Variants in MGMT observed in about 807,000 individuals in gnomAD.
MGMT encodes the protein O-6-methylguanine-DNA methyltransferase.
In MGMT, 14 loss-of-function variants were observed where a neutral mutation model predicts 15.9. The ratio of observed to expected loss-of-function variants is 0.88; its 90% CI spans 0.58 to 1.37. The LOEUF is 1.37. Ranked by LOEUF, MGMT falls within the 40% of genes most tolerant of loss-of-function variation. The pLI is 0.00. For missense variants in MGMT, 282 were observed against 268.1 expected, an observed-to-expected ratio of 1.05 and a Z score of -0.36; for synonymous variants, 130 against 118.2, an observed-to-expected ratio of 1.10 and a Z score of -0.65.
chr10:129,469,276 A>G (rs1845204271), intron 1 of MGMT, among the ~76,000 whole-genome samples: 2 of 152,234 alleles, frequency 1.3e-5, no homozygotes, highest in South Asian at 4.1e-4. Context: ...ATAATAAAAT[A>G]AAGTTACTAA....
chr10:129,647,945 T>C (rs986252759), intron 2 of MGMT, among the ~76,000 whole-genome samples: 1 of 152,260 alleles, frequency 6.6e-6, no homozygotes, highest in African/African-American at 2.4e-5. Context: ...ACTAACTTAA[T>C]TGTAATTTAA....
At chr10:129,609,499 C>T (rs1185657253) in intron 2 of MGMT, among the ~76,000 whole-genome samples, 4 of 152,146 alleles carry the variant, frequency 2.6e-5, no homozygotes, top group Non-Finnish European at 5.9e-5. Context: ...TGGGGTAACC[C>T]TAGGCGGTAG....
chr10:129,751,702 T>A (rs1848752320), intron 3 of MGMT, among the ~76,000 whole-genome samples: 1 of 151,974 alleles, frequency 6.6e-6, no homozygotes, highest in South Asian at 2.1e-4. Flanking sequence ...TTAATATGCT[T>A]TATTTTCAGT....
intron 4 of MGMT, among the ~76,000 whole-genome samples, chr10:129,765,511 TAGC>T (rs1564788835): frequency 6.6e-6 from 1 of 152,190 alleles, no homozygotes; most frequent in Non-Finnish European, 1.5e-5. Flanking sequence ...GAGAAATGGA[TAGC>T]AGACCTCAAG....
At chr10:129,690,534 A>C (rs2133127402) in intron 2 of MGMT, among the ~76,000 whole-genome samples, 1 of 152,304 alleles carries the variant, frequency 6.6e-6, no homozygotes, top group Middle Eastern at 3.4e-3. Flanking sequence ...GAGCATTTGG[A>C]GGTGCCATAT....
intron 2 of MGMT, among the ~76,000 whole-genome samples, chr10:129,683,851 G>C (rs1448763510): frequency 6.6e-6 from 1 of 152,192 alleles, no homozygotes; most frequent in African/African-American, 2.4e-5. Context: ...ATCTGTAGAT[G>C]GCAGTCTGCA....
intron 2 of MGMT, among the ~76,000 whole-genome samples, chr10:129,540,387 C>CT (rs1399965894): frequency 6.6e-6 from 1 of 152,142 alleles, no homozygotes; most frequent in Non-Finnish European, 1.5e-5. Context: ...TTGAGCTGTC[C>CT]AGAACCCTCC....
intron 2 of MGMT, among the ~76,000 whole-genome samples, chr10:129,670,524 A>T (rs1847709426): frequency 6.6e-6 from 1 of 152,228 alleles, no homozygotes; most frequent in South Asian, 2.1e-4. Flanking sequence ...AAAAGCATAA[A>T]TTAATGTAAT....
intron 3 of MGMT, among the ~76,000 whole-genome samples, chr10:129,751,859 A>C (rs1848753673): frequency 6.6e-6 from 1 of 151,962 alleles, no homozygotes; most frequent in Non-Finnish European, 1.5e-5. Context: ...TTCCATTATG[A>C]TCAGAGGATG....
At chr10:129,568,572 A>G (rs562400209) in intron 2 of MGMT, among the ~76,000 whole-genome samples, 14 of 152,368 alleles carry the variant, frequency 9.2e-5, no homozygotes, top group Non-Finnish European at 2.1e-4. Context: ...CTTGGGAGAC[A>G]TTTTAGAAAT....
chr10:129,492,684 A>G (rs951894935), intron 1 of MGMT, among the ~76,000 whole-genome samples: 1 of 152,156 alleles, frequency 6.6e-6, no homozygotes, highest in Non-Finnish European at 1.5e-5. Context: ...AGGATCAGCA[A>G]GTGTTTCTGG....
chr10:129,490,399 A>G (rs928390978), intron 1 of MGMT, among the ~76,000 whole-genome samples: 3 of 152,220 alleles, frequency 2.0e-5, no homozygotes, highest in African/African-American at 7.2e-5. Flanking sequence ...ACTAAGAATC[A>G]TCCTTTAAAC....
intron 1 of MGMT, among the ~76,000 whole-genome samples, chr10:129,528,304 C>CCATGG (rs1375250522): frequency 6.6e-6 from 1 of 151,908 alleles, no homozygotes; most frequent in Non-Finnish European, 1.5e-5. Context: ...GCCTAGCCAG[C>CCATGG]CATGGAGAGC....
chr10:129,755,941 G>A (rs1378962780), intron 3 of MGMT, among the ~76,000 whole-genome samples: 1 of 152,168 alleles, frequency 6.6e-6, no homozygotes, highest in East Asian at 1.9e-4. Context: ...ATTGGAGCTG[G>A]GTTTGGCTGA....
chr10:129,719,575 G>GTCCTCACTAGGCCTT (rs1445797494), intron 3 of MGMT, among the ~76,000 whole-genome samples: 3 of 152,126 alleles, frequency 2.0e-5, no homozygotes, highest in Admixed American at 1.3e-4. Context: ...TCCTTGCTGC[G>GTCCTCACTAGGCCTT]TCCTCACTAG....
intron 2 of MGMT, among the ~76,000 whole-genome samples, chr10:129,550,356 G>A (rs1157379967): frequency 1.2e-4 from 17 of 138,894 alleles, no homozygotes; most frequent in Non-Finnish European, 2.1e-4. Context: ...ACAGTGTTCC[G>A]CAGCCACCAC....
chr10:129,739,354 A>C (rs2133169968), intron 3 of MGMT, among the ~76,000 whole-genome samples: 1 of 152,368 alleles, frequency 6.6e-6, no homozygotes, highest in East Asian at 1.9e-4. Context: ...GAAAAGAGGA[A>C]GTCAGTTGTC....
At chr10:129,527,154 C>T (rs1171631433) in intron 1 of MGMT, among the ~76,000 whole-genome samples, 1 of 152,188 alleles carries the variant, frequency 6.6e-6, no homozygotes, top group African/African-American at 2.4e-5. Context: ...TAAATGTGGG[C>T]TGTGTTGTCG....
chr10:129,539,049 A>G (rs1016648471), intron 2 of MGMT, among the ~76,000 whole-genome samples: 1 of 152,190 alleles, frequency 6.6e-6, no homozygotes, highest in African/African-American at 2.4e-5. Context: ...TGATTTTCTC[A>G]CAAGTTGGAG....
Sources: allele counts gnomAD v4.1 joint callset (sites outside exome capture counted in the v4.1 genomes callset), GRCh38; gene constraint gnomAD v4.1.1; transcripts MANE v1.5; gene names NCBI Gene and HGNC (gene_info 2026-07-23, HGNC 2026-07-21).